Variants in GPR161 observed in about 807,000 individuals in gnomAD.
GPR161 encodes the protein G protein-coupled receptor 161, also known as G-protein coupled receptor RE2.
Under a neutral mutation model 39.2 loss-of-function variants are expected in GPR161, and 25 were observed. The ratio of observed to expected loss-of-function variants is 0.64; its 90% CI spans 0.47 to 0.89. The LOEUF is 0.89. Ranked by LOEUF, GPR161 falls within the 40% of genes least tolerant of loss-of-function variation. The pLI, the probability that GPR161 is intolerant of heterozygous loss-of-function variation, is 0.00. For synonymous variants in GPR161, 286 were observed against 276.6 expected (o/e 1.03, Z -0.34); for missense variants, 547 against 677.8 (o/e 0.81, Z 2.14).
rs1331680169 is a variant in GPR161 at position 168,084,973 on chromosome 1, T to C, written c.*558A>G. 4 of 456,242 alleles carry C rather than the reference T, an allele frequency of 8.8e-6. No homozygotes were observed. The Admixed American group carries it at 9.4e-5, about 11-fold the overall frequency. 28.3% of individuals were successfully genotyped at this position (456,242 alleles called of 1,614,324 possible). On this transcript the variant is annotated 3_prime_UTR_variant, in exon 6 of 6. Transcript: ENST00000682931. ...CGCTCCGAAGCGCTCTGCTCCTGGG[T>C]GCTTTCTCTGCGGACCAGTCCTAGA... is the stretch of plus-strand genomic sequence containing the variant.
chr1:168,093,278 C>T (rs1695235168), intron 3 of GPR161, among the ~76,000 whole-genome samples: 1 of 152,082 alleles, frequency 6.6e-6, no homozygotes, highest in Admixed American at 6.5e-5. Flanking sequence ...ACCTTACAAG[C>T]AGAAGGTATT....
At chr1:168,109,006 G>C (rs966773752) in intron 1 of GPR161, among the ~76,000 whole-genome samples, 2 of 152,198 alleles carry the variant, frequency 1.3e-5, no homozygotes, top group African/African-American at 4.8e-5. Context: ...TTAGATTGGT[G>C]ATTGGACGTA....
intron 3 of GPR161, among the ~76,000 whole-genome samples, chr1:168,095,492 A>G (rs1695434964): frequency 6.6e-6 from 1 of 152,240 alleles, no homozygotes; most frequent in Admixed American, 6.5e-5. Context: ...CAAAAAATCT[A>G]ACCCCTAACT....
At chr1:168,106,224 G>A (rs1696610586) in intron 1 of GPR161, among the ~76,000 whole-genome samples, 1 of 152,154 alleles carries the variant, frequency 6.6e-6, no homozygotes, top group South Asian at 2.1e-4. Flanking sequence ...TTTGATAAGT[G>A]TCAGGTCCAA....
At chr1:168,130,213 C>A (rs1247040559) in intron 1 of GPR161, among the ~76,000 whole-genome samples, 1 of 152,238 alleles carries the variant, frequency 6.6e-6, no homozygotes, top group East Asian at 1.9e-4. Flanking sequence ...TTACCCTTGT[C>A]CAGCAGTTGC....
chr1:168,094,056 C>G (rs1167044711), intron 3 of GPR161, among the ~76,000 whole-genome samples: 1 of 151,974 alleles, frequency 6.6e-6, no homozygotes, highest in Admixed American at 6.6e-5. Context: ...GATGAGACCA[C>G]CAGCTGCCTG....
In GPR161 at chr1:168,094,549, C is replaced by T. The variant is rs375904988; in HGVS notation, c.1099+1959G>A. Among the ~76,000 whole-genome samples, 97 of 152,304 alleles carry T rather than the reference C, an allele frequency of 6.4e-4. 1 individual carries two copies. In the South Asian group the frequency reaches 0.018, roughly 29 times the overall value. On this transcript the variant is annotated intron_variant, in intron 3 of 5. Coordinates refer to ENST00000682931, the MANE Select transcript of GPR161 (RefSeq NM_001375883.1). ...AATCAGTGATGCCATTGTGTCTCATCGCCACATGGAAAGGATCTCCTGTCA... is the reference window on the plus strand; with the variant it reads ...AATCAGTGATGCCATTGTGTCTCATTGCCACATGGAAAGGATCTCCTGTCA...
chr1:168,119,239 T>TACACAC lies in GPR161; in HGVS notation c.-44-14346_-44-14345insGTGTGT, dbSNP rs1697920939. Among the ~76,000 whole-genome samples the TACACAC allele has an allele frequency of 2.5e-5, 3 of 120,772 alleles. 1 individual carries two copies. Among genetic ancestry groups the TACACAC allele is most frequent in the African/African-American group, 1.1e-4 (3 of 27,682 alleles). The allele number at this position is 120,772 out of a possible 152,430, so 79.2% of individuals were successfully genotyped here. On this transcript the variant is annotated intron_variant, in intron 1 of 5. Transcript: ENST00000682931. ...ACATATATATATACGTATATATATA[T>TACACAC]ATACACATATATATATACGTATATA...
intron 1 of GPR161, among the ~76,000 whole-genome samples, chr1:168,119,587 T>C (rs1697990211): frequency 6.6e-6 from 1 of 152,112 alleles, no homozygotes; most frequent in African/African-American, 2.4e-5. Flanking sequence ...TGGTGATGGC[T>C]GCACGACAAT....
Position 168,084,988 on chromosome 1 carries a change from C to G in GPR161, c.*543G>C, listed in dbSNP as rs1443563845. ...TGCTCCTGGGTGCTTTCTCTGCGGA[C>G]CAGTCCTAGAACTGAGGGTCCCACA... On this transcript the variant is annotated 3_prime_UTR_variant, in exon 6 of 6. Coordinates refer to ENST00000682931, the MANE Select transcript of GPR161 (RefSeq NM_001375883.1). The G allele has an allele frequency of 2.2e-6, 1 of 456,364 alleles. No individual in the cohort carries two copies. The highest frequency in any genetic ancestry group is 2.3e-5 in the Admixed American group (1 of 42,586). 28.3% of individuals were successfully genotyped at this position (456,364 alleles called of 1,614,324 possible). A position where few individuals can be genotyped will look rare whatever the true frequency, so the allele number is the denominator to read the frequency against.
At chr1:168,121,417 C>T (rs897209499) in intron 1 of GPR161, among the ~76,000 whole-genome samples, 2 of 152,142 alleles carry the variant, frequency 1.3e-5, no homozygotes, top group African/African-American at 2.4e-5. Flanking sequence ...CATAGACTGT[C>T]GGTGAATTTT....
intron 4 of GPR161, among the ~76,000 whole-genome samples, chr1:168,089,878 G>T (rs1347490129): frequency 6.6e-6 from 1 of 152,370 alleles, no homozygotes; most frequent in African/African-American, 2.4e-5. Flanking sequence ...CTCAGACAAG[G>T]AGCAGCCCTG....
chr1:168,102,758 C>T (rs911293717), intron 2 of GPR161, among the ~76,000 whole-genome samples: 1 of 151,666 alleles, frequency 6.6e-6, no homozygotes, highest in African/African-American at 2.4e-5. Context: ...AGCTCTCCAT[C>T]TCTGCAACTA....
chr1:168,095,522 C>T (rs576700040), intron 3 of GPR161, among the ~76,000 whole-genome samples: 1 of 152,184 alleles, frequency 6.6e-6, no homozygotes, highest in Non-Finnish European at 1.5e-5. Flanking sequence ...CCACTGGGTC[C>T]CATCAAAGGT....
intron 1 of GPR161, among the ~76,000 whole-genome samples, chr1:168,121,619 G>A (rs1034376013): frequency 2.6e-5 from 4 of 152,196 alleles, no homozygotes; most frequent in Non-Finnish European, 5.9e-5. Context: ...CAAGAGTTAA[G>A]TGCTTCAGGA....
intron 1 of GPR161, among the ~76,000 whole-genome samples, chr1:168,107,767 C>A (rs1404995197): frequency 2.0e-5 from 3 of 152,120 alleles, no homozygotes; most frequent in African/African-American, 7.2e-5. Flanking sequence ...TAAGAGAAAT[C>A]CATGTTAAAA....
chr1:168,106,910 T>G (rs555150136), intron 1 of GPR161, among the ~76,000 whole-genome samples: 1 of 152,326 alleles, frequency 6.6e-6, no homozygotes, highest in Non-Finnish European at 1.5e-5. Context: ...TTGTTTTTGG[T>G]TTTTGCCTTT....
chr1:168,090,459 GC>G (rs1160498738), intron 4 of GPR161, 104 bp downstream of exon 4: 3 of 594,384 alleles, frequency 5.0e-6, no homozygotes, highest in East Asian at 6.0e-5. Flanking sequence ...CGTGGGAAAT[GC>G]CCCTCCGCCA....
intron 1 of GPR161, 123 bp from the exon 2 acceptor site, chr1:168,105,017 A>C: frequency 1.5e-6 from 1 of 686,182 alleles, no homozygotes; most frequent in Non-Finnish European, 2.4e-6. Flanking sequence ...GCTAGTACAG[A>C]CTCTCAGCGG....
Sources: gnomAD v4.1 joint callset for allele counts (sites outside exome capture counted in the v4.1 genomes callset) on GRCh38, gnomAD v4.1.1 for gene constraint, MANE v1.5 for transcripts, NCBI Gene and HGNC (gene_info 2026-07-23, HGNC 2026-07-21) for gene names.